GLI1: variants seen among roughly 807,000 people sequenced by gnomAD.
The protein encoded by GLI1 is GLI family zinc finger 1, also known as transcription activator GLI1.
In GLI1, 51 loss-of-function variants were observed where a neutral mutation model predicts 87.8. The ratio of observed to expected loss-of-function variants is 0.58; its 90% CI spans 0.46 to 0.73. The LOEUF is 0.73. Among genes scored for constraint, GLI1 ranks in the 30% least tolerant of loss-of-function variants. The pLI, the probability that GLI1 is intolerant of heterozygous loss-of-function variation, is 0.00. For missense variants in GLI1, 1,292 were observed against 1,437.2 expected (o/e 0.90, Z 1.63); for synonymous variants, 528 against 558.2 (o/e 0.95, Z 0.76).
intron 7 of GLI1, 133 bp downstream of exon 7, chr12:57,466,058 C>A: frequency 9.3e-7 from 1 of 1,075,002 alleles, no homozygotes; most frequent in Non-Finnish European, 1.4e-6. Context: ...TAGGCAGAAG[C>A]TCAGAAGTTG....
Position 57,471,167 on chromosome 12 carries a change from T to G in GLI1, c.2427T>G (p.Tyr809Ter). The stretch of plus-strand genomic sequence containing the variant: ...GCCAGTGTCCTCGACTTGAACATTA[T>G]GGACAAGTGCAAGTCAAGCCAGAAC... Reference protein sequence around the residue: ...TYSQCPRLEHYGQVQVKPEQG... With the variant: ...TYSQCPRLEH Residue 809 changes from tyrosine (Y) to a stop codon, truncating the protein, a stop_gained, in exon 12 of 12, where the codon TAT becomes TAG. Coordinates refer to ENST00000228682, the MANE Select transcript of GLI1 (RefSeq NM_005269.3). LOFTEE classifies it high-confidence loss of function. This position sits in a 1 kb window ranked among gnomAD's most constrained non-coding sequence, Gnocchi z 4.9. The G allele has an allele frequency of 6.2e-7, 1 of 1,607,708 alleles. No homozygotes were observed.
At chr12:57,465,281 A>G (rs1181702668) in intron 5 of GLI1, 26 bp downstream of exon 5, 1 of 1,352,390 alleles carries the variant, frequency 7.4e-7, no homozygotes, top group Non-Finnish European at 1.0e-6. Flanking sequence ...TTGCTACCTG[A>G]TTTCCCTCAG....
At chr12:57,470,197 A>G in intron 11 of GLI1, 120 bp from the exon 12 acceptor site, 1 of 736,566 alleles carries the variant, frequency 1.4e-6, no homozygotes. Context: ...GACAGAACAG[A>G]CTGGTTAGGG....
At chr12:57,465,384 G>A in intron 5 of GLI1, 129 bp downstream of exon 5, 1 of 875,428 alleles carries the variant, frequency 1.1e-6, no homozygotes, top group Non-Finnish European at 1.8e-6. Flanking sequence ...AAGAGGTGTG[G>A]GTGCTGGGGT....
Position 57,472,246 on chromosome 12 carries a change from T to C in GLI1, c.*185T>C, listed in dbSNP as rs1872084235. 6.7e-6 allele frequency: 4 copies of C among 597,352 alleles called. No individual in the cohort carries two copies. Among genetic ancestry groups the C allele is most frequent in the Non-Finnish European group, 1.1e-5 (4 of 351,614 alleles). 37.0% of individuals were successfully genotyped at this position (597,352 alleles called of 1,614,324 possible). On this transcript the variant is annotated 3_prime_UTR_variant, in exon 12 of 12. Coordinates refer to ENST00000228682, the MANE Select transcript of GLI1 (RefSeq NM_005269.3). The stretch of plus-strand genomic sequence containing the variant: ...TGATAATGACACTGTTTCCTGATAA[T>C]AAAGGAACTGCATCAGAAAAAATAC...
In GLI1 at chr12:57,465,843, G is replaced by A. The variant is rs202128734; in HGVS notation, c.680G>A (p.Arg227His). 9.9e-6 allele frequency: 16 copies of A among 1,613,982 alleles called. No individual in the cohort carries two copies. Among genetic ancestry groups the A allele is most frequent in the South Asian group, 2.2e-5 (2 of 91,080 alleles). ...GREDLEREEK[R>H]EPESVYETDC... ...GAGGACCTCGAGAGAGAGGAGAAGC[G>A]TGAGCCTGAATCTGTGTATGAAACT... The change falls in exon 7 of 12, where the codon CGT (arginine) becomes CAT (histidine). Residue 227 changes from arginine (R) to histidine (H), a missense_variant. Physicochemically the swap from Arg to His is conservative, Grantham distance 29. Around this residue, in one of 3 missense-constraint regions of GLI1, gnomAD observed 383 missense variants for 368.4 expected, o/e 1.04. Transcript: ENST00000228682.
intron 8 of GLI1, 68 bp from the exon 9 acceptor site, chr12:57,467,265 T>C (rs761452644): frequency 2.7e-5 from 35 of 1,304,862 alleles, no homozygotes; most frequent in Non-Finnish European, 3.3e-5. Context: ...CTGTTGGAGA[T>C]TGAGGGTTCC....
chr12:57,466,631 C>T (rs1449145765), intron 8 of GLI1, among the ~76,000 whole-genome samples: 2 of 152,120 alleles, frequency 1.3e-5, no homozygotes, highest in Admixed American at 6.5e-5. Context: ...AGGCCAGGCA[C>T]GGTGGCTCAC....
intron 1 of GLI1, among the ~76,000 whole-genome samples, chr12:57,462,441 G>A (rs888334551): frequency 2.6e-5 from 4 of 151,958 alleles, no homozygotes; most frequent in African/African-American, 7.3e-5. Flanking sequence ...CGCTCCCGGT[G>A]GTTCTCCACC....
chr12:57,464,798 G>A lies in GLI1; in HGVS notation c.319G>A (p.Val107Ile), dbSNP rs1285900168. 4 of 1,613,972 alleles carry A rather than the reference G, an allele frequency of 2.5e-6. No homozygotes were observed. The highest frequency in any genetic ancestry group is 1.6e-4 in the Middle Eastern group (1 of 6,062). The change falls in exon 4 of 12, where the codon GTA becomes ATA. Residue 107 changes from valine (V) to isoleucine (I), a missense_variant. Transcript: ENST00000228682. ...TATCCGCACCTCACCCAGCTCCCTC[G>A]TAGCTTTCATCAACTCGCGATGCAC... ...TVIRTSPSSL[V>I]AFINSRCTSP...
At position 57,471,643 on chromosome 12, in the gene GLI1, C is replaced by T; in HGVS notation, c.2903C>T (p.Ser968Leu). ...NHKSGSYPTPSPCHENFVVGA... is the reference protein window; with the variant it reads ...NHKSGSYPTPLPCHENFVVGA... The stretch of plus-strand genomic sequence containing the variant: ...AAGTCAGGTTCCTATCCCACCCCTT[C>T]ACCATGCCATGAAAATTTTGTAGTG... Residue 968 changes from serine (S) to leucine (L), a missense_variant, in exon 12 of 12, where the codon TCA (serine) becomes TTA (leucine). Around this residue, in one of 3 missense-constraint regions of GLI1, gnomAD observed 897 missense variants for 1,040.7 expected, o/e 0.86. Coordinates refer to ENST00000228682, the MANE Select transcript of GLI1 (RefSeq NM_005269.3). The surrounding 1 kb of genome is among the most constrained non-coding windows in gnomAD (Gnocchi z 4.9). 6.2e-7 allele frequency: 1 copy of T among 1,613,446 alleles called. No homozygotes were observed. The highest frequency in any genetic ancestry group is 2.2e-5 in the East Asian group (1 of 44,882).
In GLI1 at chr12:57,471,231, C is replaced by T. The variant is rs148731765; in HGVS notation, c.2491C>T (p.Pro831Ser). 3.3e-5 allele frequency: 53 copies of T among 1,604,118 alleles called. No individual in the cohort carries two copies. Among genetic ancestry groups the T allele is most frequent in the Non-Finnish European group, 4.5e-5 (53 of 1,175,336 alleles). Residue 831 changes from proline to serine, a missense_variant, in exon 12 of 12, where the codon CCC becomes TCC. Physicochemically the swap from Pro to Ser is moderately conservative, Grantham distance 74. Transcript: ENST00000228682. The surrounding 1 kb of genome is among the most constrained non-coding windows in gnomAD (Gnocchi z 4.9). ...PVGSDSTGLA[P>S]CLNAHPSEGP... ...GGGGTCTGACTCCACAGGACTGGCA[C>T]CCTGCCTCAATGCCCACCCCAGTGA...
In GLI1 at chr12:57,463,783, G is replaced by A. The variant is rs757744788; in HGVS notation, c.92G>A (p.Gly31Glu). 1.3e-6 allele frequency: 2 copies of A among 1,585,308 alleles called. No homozygotes were observed. Among genetic ancestry groups the A allele is most frequent in the Non-Finnish European group, 8.6e-7 (1 of 1,158,948 alleles). ...CCCAGTCAGGGGGCCCCCAGTGTGG[G>A]GACAGAAGGTCAGTGTATATACCAA... ...PLPSQGAPSV[G>E]TEGLSGPPFC... Residue 31 changes from glycine to glutamate, a missense_variant, in exon 2 of 12, where the codon GGG (glycine) becomes GAG (glutamate). Coordinates refer to ENST00000228682, the MANE Select transcript of GLI1 (RefSeq NM_005269.3).
intron 11 of GLI1, 88 bp from the exon 12 acceptor site, chr12:57,470,229 A>C (rs2139863730): frequency 2.0e-6 from 2 of 1,000,140 alleles, no homozygotes; most frequent in Non-Finnish European, 3.0e-6. Flanking sequence ...ACCCCTGAGA[A>C]TCCAGGGCAA....
At position 57,465,228 on chromosome 12, in the gene GLI1, G is replaced by T; in HGVS notation, c.507G>T (p.Gln169His). The part of the protein sequence containing the change: ...SARGGMIPHP[Q>H]SRGPFPTCQL... ...GGGGTGGGATGATCCCACATCCTCAGTCCCGGGGACCCTTCCCAACTTGCC... is the reference window on the plus strand; with the variant it reads ...GGGGTGGGATGATCCCACATCCTCATTCCCGGGGACCCTTCCCAACTTGCC... The change falls in exon 5 of 12, where the codon CAG (glutamine) becomes CAT (histidine). Residue 169 changes from glutamine (Q) to histidine (H), a missense_variant. Gln to His is a conservative substitution (Grantham distance 24). Around this residue, in one of 3 missense-constraint regions of GLI1, gnomAD observed 383 missense variants for 368.4 expected, o/e 1.04. Transcript: ENST00000228682. The T allele has an allele frequency of 6.2e-7, 1 of 1,613,200 alleles. No homozygotes were observed. The highest frequency in any genetic ancestry group is 1.1e-5 in the South Asian group (1 of 91,036).
At chr12:57,469,995 T>C (rs895343187) in intron 11 of GLI1, among the ~76,000 whole-genome samples, 5 of 152,058 alleles carry the variant, frequency 3.3e-5, no homozygotes, top group African/African-American at 9.7e-5. Flanking sequence ...GCCATTGCAC[T>C]CCAACTTGAG....
chr12:57,460,848 A>T (rs1871094201), intron 1 of GLI1, among the ~76,000 whole-genome samples: 1 of 152,048 alleles, frequency 6.6e-6, no homozygotes, highest in Non-Finnish European at 1.5e-5. Flanking sequence ...CCTGAGTCCC[A>T]AGGGCTGTGG....
In GLI1 at chr12:57,465,160, C is replaced by A. The variant is rs371590132; in HGVS notation, c.439C>A (p.Pro147Thr). ...GATGAATCACCAAAAAGGGCCCTCG[C>A]CTTCCTTTGGGGTCCAGCCTTGTGG... ...AQMNHQKGPS[P>T]SFGVQPCGPH... Residue 147 changes from proline (P) to threonine (T), a missense_variant, in exon 5 of 12, where the codon CCT (proline) becomes ACT (threonine). By Grantham distance (38) the Pro-to-Thr change is conservative. This residue lies in a region of GLI1 where 383 missense variants were observed against 368.4 expected (regional missense o/e 1.04). Transcript: ENST00000228682. 1.9e-6 allele frequency: 3 copies of A among 1,613,898 alleles called. No individual in the cohort carries two copies. The highest frequency in any genetic ancestry group is 2.5e-6 in the Non-Finnish European group (3 of 1,179,874).
Position 57,471,294 on chromosome 12 carries a change from C to A in GLI1, c.2554C>A (p.Pro852Thr). The change falls in exon 12 of 12, where the codon CCC (proline) becomes ACC (threonine). Residue 852 changes from proline to threonine, a missense_variant. This residue lies in a region of GLI1 where 897 missense variants were observed against 1,040.7 expected (regional missense o/e 0.86). Transcript: ENST00000228682. This position sits in a 1 kb window ranked among gnomAD's most constrained non-coding sequence, Gnocchi z 4.9. ...TCCACAGCCTCTCTTTTCCCATTAC[C>A]CCCAGCCCTCTCCTCCCCAATATCT... ...PHPQPLFSHY[P>T]QPSPPQYLQS... 1 of 1,578,992 alleles carries A rather than the reference C, an allele frequency of 6.3e-7. No individual in the cohort carries two copies. The highest frequency in any genetic ancestry group is 1.2e-5 in the South Asian group (1 of 85,158).
Sources: gnomAD v4.1 joint callset for allele counts (sites outside exome capture counted in the v4.1 genomes callset) on GRCh38, gnomAD v4.1.1 for gene constraint, gnomAD v4.1.1 regional missense constraint, Gnocchi (gnomAD v3.1) non-coding constraint, MANE v1.5 for transcripts, NCBI Gene and HGNC (gene_info 2026-07-23, HGNC 2026-07-21) for gene names.